Variants in SIL1 observed in about 807,000 individuals in gnomAD.
SIL1 encodes the protein nucleotide exchange factor SIL1.
Under a neutral mutation model 49.1 loss-of-function variants are expected in SIL1, and 40 were observed. The ratio of observed to expected loss-of-function variants is 0.81; its 90% CI spans 0.63 to 1.06. The LOEUF (loss-of-function observed/expected upper bound fraction) is 1.06, where lower values mean the gene tolerates loss of function less well. Among genes scored for constraint, SIL1 ranks in the 50% least tolerant of loss-of-function variants. SIL1 has a pLI of 0.00. For missense variants in SIL1, 500 were observed against 572.6 expected (o/e 0.87, Z 1.29); for synonymous variants, 253 against 250.8 (o/e 1.01, Z -0.08).
intron 1 of SIL1, among the ~76,000 whole-genome samples, chr5:139,180,074 A>C (rs1415095526): frequency 6.6e-6 from 1 of 150,884 alleles, no homozygotes; most frequent in Non-Finnish European, 1.5e-5. Flanking sequence ...AAAAAAAAAA[A>C]AAAAGTTGGC....
chr5:139,164,529 GC>G (rs1751579035), intron 1 of SIL1, among the ~76,000 whole-genome samples: 1 of 152,100 alleles, frequency 6.6e-6, no homozygotes, highest in Admixed American at 6.6e-5. Flanking sequence ...CTAGGGTCGG[GC>G]CCATGGGTTC....
At chr5:139,068,316 G>A (rs1769750893) in intron 3 of SIL1, among the ~76,000 whole-genome samples, 1 of 152,086 alleles carries the variant, frequency 6.6e-6, no homozygotes. Flanking sequence ...AATTATAGTG[G>A]GCCAATGGGT....
intron 3 of SIL1, among the ~76,000 whole-genome samples, chr5:139,113,319 A>AAAAAT (rs1232145485): frequency 1.2e-3 from 150 of 124,702 alleles, no homozygotes; most frequent in Non-Finnish European, 1.7e-3. Context: ...AAATAAATAA[A>AAAAAT]TAAATAAATT....
intron 3 of SIL1, among the ~76,000 whole-genome samples, chr5:139,069,552 G>T (rs1427638504): frequency 6.6e-6 from 1 of 151,908 alleles, no homozygotes; most frequent in African/African-American, 2.4e-5. Flanking sequence ...CTTTTTAAAA[G>T]CTCAAGAAAT....
chr5:138,979,347 G>A (rs1049169122), intron 7 of SIL1, among the ~76,000 whole-genome samples: 15 of 152,216 alleles, frequency 9.9e-5, no homozygotes, highest in Admixed American at 6.5e-5. Flanking sequence ...ACAGGCGTGA[G>A]CCACAGCACC....
chr5:139,137,531 A>T (rs910739487), intron 1 of SIL1: 13 of 513,754 alleles, frequency 2.5e-5, no homozygotes, highest in South Asian at 5.9e-5. Flanking sequence ...TTTTTTTTTT[A>T]ATTTTATTAT....
At chr5:139,088,404 G>T (rs1462102479) in intron 3 of SIL1, among the ~76,000 whole-genome samples, 1 of 152,180 alleles carries the variant, frequency 6.6e-6, no homozygotes, top group African/African-American at 2.4e-5. Context: ...CAAATGCCAG[G>T]GCTGAGCTCA....
At chr5:139,124,294 G>A (rs1209340219) in intron 2 of SIL1, among the ~76,000 whole-genome samples, 1 of 152,004 alleles carries the variant, frequency 6.6e-6, no homozygotes, top group South Asian at 2.1e-4. Context: ...GGGTTAGAAC[G>A]AGACTGATGA....
At chr5:139,166,101 G>A (rs1751612185) in intron 1 of SIL1, among the ~76,000 whole-genome samples, 1 of 152,146 alleles carries the variant, frequency 6.6e-6, no homozygotes. Context: ...CTCAGGTTTG[G>A]CTCAGAATAA....
At chr5:139,115,153 C>T (rs1770960965) in intron 3 of SIL1, among the ~76,000 whole-genome samples, 1 of 152,114 alleles carries the variant, frequency 6.6e-6, no homozygotes, top group East Asian at 1.9e-4. Context: ...GAGGGAGGGT[C>T]ACCTGCCTCC....
chr5:139,021,043 A>G (rs1768513520), intron 7 of SIL1, 128 bp downstream of exon 7: 1 of 1,385,666 alleles, frequency 7.2e-7, no homozygotes, highest in Non-Finnish European at 1.0e-6. Context: ...GCAGAATCAA[A>G]TTTTACTCTA....
intron 3 of SIL1, among the ~76,000 whole-genome samples, chr5:139,054,731 T>A (rs942130490): frequency 6.6e-6 from 1 of 152,230 alleles, no homozygotes; most frequent in African/African-American, 2.4e-5. Flanking sequence ...TAGGTTCTTA[T>A]GTGAATCTAG....
chr5:139,102,131 A>G (rs1770601415), intron 3 of SIL1, among the ~76,000 whole-genome samples: 1 of 152,234 alleles, frequency 6.6e-6, no homozygotes, highest in African/African-American at 2.4e-5. Flanking sequence ...GAAACCATCT[A>G]AATGCCCAAC....
chr5:139,185,185 G>T (rs1752057282), intron 1 of SIL1, among the ~76,000 whole-genome samples: 1 of 152,148 alleles, frequency 6.6e-6, no homozygotes, highest in African/African-American at 2.4e-5. Context: ...ACTGTTGCGT[G>T]TAAGGGGTCC....
In SIL1 at chr5:139,019,622, C is replaced by T. The variant is rs571061793; in HGVS notation, c.767+1549G>A. ...TTAATAACACCACACATTGGCACAGCCCCTGGGTGAGTTACGGGTCTGCAA... is the reference window on the plus strand; with the variant it reads ...TTAATAACACCACACATTGGCACAGTCCCTGGGTGAGTTACGGGTCTGCAA... On this transcript the variant is annotated intron_variant, in intron 7 of 9. Coordinates refer to ENST00000394817, the MANE Select transcript of SIL1 (RefSeq NM_022464.5). 6.6e-4 allele frequency among the ~76,000 whole-genome samples: 101 copies of T among 152,278 alleles called. 1 individual carries two copies. The South Asian group carries it at 0.011, about 17-fold the overall frequency.
chr5:139,012,101 T>C (rs1768288760), intron 7 of SIL1, among the ~76,000 whole-genome samples: 1 of 152,186 alleles, frequency 6.6e-6, no homozygotes, highest in Admixed American at 6.5e-5. Flanking sequence ...TTGCCCAGGC[T>C]ACAGTGCAGT....
intron 4 of SIL1, among the ~76,000 whole-genome samples, chr5:139,047,525 C>A (rs956154934): frequency 2.0e-5 from 3 of 152,258 alleles, no homozygotes; most frequent in African/African-American, 2.4e-5. Flanking sequence ...GTTCTTAACT[C>A]TGTGGGATCA....
intron 3 of SIL1, among the ~76,000 whole-genome samples, chr5:139,092,142 GGTACTGATAAAAAGCATAT>G (rs1770355960): frequency 1.3e-5 from 2 of 152,122 alleles, no homozygotes; most frequent in South Asian, 4.1e-4. Context: ...CTGCATCGCT[GGTACTGATAAAAAGCATAT>G]GATCACTAAG....
intron 7 of SIL1, among the ~76,000 whole-genome samples, chr5:139,000,090 T>C (rs1405047248): frequency 6.6e-6 from 1 of 152,210 alleles, no homozygotes; most frequent in Non-Finnish European, 1.5e-5. Context: ...AGTACAATGT[T>C]AGCTATGGGT....
Sources: allele counts gnomAD v4.1 joint callset (sites outside exome capture counted in the v4.1 genomes callset), GRCh38; gene constraint gnomAD v4.1.1; transcripts MANE v1.5; gene names NCBI Gene and HGNC (gene_info 2026-07-23, HGNC 2026-07-21).